ECE1: variants seen among roughly 807,000 people sequenced by gnomAD.
The protein encoded by ECE1 is endothelin-converting enzyme 1.
In ECE1, 35 loss-of-function variants were observed where a neutral mutation model predicts 98.6. The observed-to-expected ratio is 0.35, with a 90% CI of 0.27 to 0.47. The LOEUF is 0.47. Ranked by LOEUF, ECE1 falls within the 20% of genes least tolerant of loss-of-function variation. The pLI, the probability that ECE1 is intolerant of heterozygous loss-of-function variation, is 1.00. For synonymous variants in ECE1, 394 were observed against 407.1 expected, an observed-to-expected ratio of 0.97 and a Z score of 0.39; for missense variants, 814 against 1,025.3, an observed-to-expected ratio of 0.79 and a Z score of 2.81.
chr1:21,339,635 G>A (rs1474925241), intron 1 of ECE1, among the ~76,000 whole-genome samples: 4 of 152,220 alleles, frequency 2.6e-5, no homozygotes, highest in African/African-American at 7.2e-5. Flanking sequence ...CAGGGGCCTC[G>A]AAGTTGGTGG....
intron 13 of ECE1, among the ~76,000 whole-genome samples, chr1:21,234,906 T>G (rs1262316966): frequency 1.3e-5 from 2 of 152,250 alleles, no homozygotes; most frequent in Non-Finnish European, 2.9e-5. Context: ...CATGACACTC[T>G]GGAGCATCTT....
intron 1 of ECE1, among the ~76,000 whole-genome samples, chr1:21,341,109 G>A (rs909536907): frequency 2.6e-5 from 4 of 152,054 alleles, no homozygotes; most frequent in Non-Finnish European, 5.9e-5. Flanking sequence ...TGCTCAGGGA[G>A]CCTTTTCTGA....
chr1:21,256,486 G>A (rs1193966792), intron 7 of ECE1, among the ~76,000 whole-genome samples: 3 of 152,168 alleles, frequency 2.0e-5, no homozygotes, highest in Non-Finnish European at 4.4e-5. Context: ...AACCCAGGAG[G>A]AGGAGGTTGC....
At chr1:21,323,642 TAAAA>T (rs1558433306) in intron 1 of ECE1, among the ~76,000 whole-genome samples, 2 of 44,872 alleles carry the variant, frequency 4.5e-5, no homozygotes, top group Non-Finnish European at 8.5e-5. Flanking sequence ...AAAAATAAAA[TAAAA>T]TAAAATAAAA....
At chr1:21,229,777 T>C (rs1194609397) in intron 14 of ECE1, among the ~76,000 whole-genome samples, 1 of 152,184 alleles carries the variant, frequency 6.6e-6, no homozygotes, top group Admixed American at 6.5e-5. Context: ...GAACCATTGT[T>C]TTCCAAATGA....
chr1:21,241,232 C>T (rs565992291), intron 10 of ECE1, among the ~76,000 whole-genome samples: 2 of 151,744 alleles, frequency 1.3e-5, no homozygotes, highest in African/African-American at 2.4e-5. Context: ...CACAAGGTTT[C>T]GCCATGTTGG....
In ECE1 at chr1:21,319,848, G is replaced by A. The variant is rs953534394; in HGVS notation, c.3+25528C>T. On this transcript the variant is annotated intron_variant, in intron 1 of 18. Coordinates refer to the ECE1 transcript ENST00000415912. This position sits in a 1 kb window ranked among gnomAD's most constrained non-coding sequence, Gnocchi z 4.4. ...CGCGGTCCCATGGCTTCTAGTGCCAGCCCCCACACACCACTCGCCACCCAG... is the reference window on the plus strand; with the variant it reads ...CGCGGTCCCATGGCTTCTAGTGCCAACCCCCACACACCACTCGCCACCCAG... Among the ~76,000 whole-genome samples, 8 of 152,106 alleles carry A rather than the reference G, an allele frequency of 5.3e-5. No homozygotes were observed. Among genetic ancestry groups the A allele is most frequent in the African/African-American group, 7.2e-5 (3 of 41,416 alleles).
intron 14 of ECE1, among the ~76,000 whole-genome samples, chr1:21,228,318 G>C: frequency 6.6e-6 from 1 of 152,088 alleles, no homozygotes; most frequent in East Asian, 1.9e-4. Flanking sequence ...TCCTGCCTCG[G>C]ACTCCCAAAG....
upstream of ECE1, chr1:21,290,563 C>A (rs1461095582): frequency 1.7e-6 from 2 of 1,192,720 alleles, no homozygotes; most frequent in African/African-American, 3.2e-5. The surrounding 1 kb of genome is among the most constrained non-coding windows in gnomAD (Gnocchi z 7.3). Flanking sequence ...CCCCAAGACC[C>A]GAGAGGCCCG....
In ECE1 at chr1:21,223,983, A is replaced by G. The variant is rs553222476; in HGVS notation, c.2040+1267T>C. Among the ~76,000 whole-genome samples the G allele has an allele frequency of 7.2e-5, 11 of 152,294 alleles. No individual in the cohort carries two copies. In the East Asian group the frequency reaches 2.1e-3, roughly 29 times the overall value. On this transcript the variant is annotated intron_variant, in intron 17 of 18. Transcript: ENST00000374893. The stretch of plus-strand genomic sequence containing the variant: ...GTGTCTCTCTATCATAACCAGGACA[A>G]AACCAAAGGTCCTTCCTTAGCCGCA...
At chr1:21,264,313 C>CA (rs1310973781) in intron 4 of ECE1, among the ~76,000 whole-genome samples, 3 of 75,370 alleles carry the variant, frequency 4.0e-5, no homozygotes, top group Admixed American at 2.5e-4. Flanking sequence ...ACCAATTCCC[C>CA]CCCCCCCTTT....
chr1:21,268,148 C>A (rs2098236213), intron 4 of ECE1, among the ~76,000 whole-genome samples: 1 of 152,140 alleles, frequency 6.6e-6, no homozygotes, highest in Non-Finnish European at 1.5e-5. Context: ...ACAATGGAGG[C>A]AGCAGGTTTG....
intron 8 of ECE1, among the ~76,000 whole-genome samples, chr1:21,248,863 T>C (rs891838983): frequency 6.6e-6 from 1 of 151,214 alleles, no homozygotes; most frequent in African/African-American, 2.4e-5. Flanking sequence ...GACCTCATGA[T>C]CTGCCTGCCT....
Position 21,319,589 on chromosome 1 carries a change from C to T in ECE1, c.3+25787G>A, listed in dbSNP as rs896319434. 2.0e-5 allele frequency among the ~76,000 whole-genome samples: 3 copies of T among 152,110 alleles called. No homozygotes were observed. The highest frequency in any genetic ancestry group is 7.2e-5 in the African/African-American group (3 of 41,428). On this transcript the variant is annotated intron_variant, in intron 1 of 18. Transcript: ENST00000415912. The surrounding 1 kb of genome is among the most constrained non-coding windows in gnomAD (Gnocchi z 4.4). Reference sequence around the variant, plus strand: ...TTCTGCTCCTGGCCTTCCTGGGAGCCCTCCAAGCCAGCAGCTGTGCCCTCC... The same window carrying T: ...TTCTGCTCCTGGCCTTCCTGGGAGCTCTCCAAGCCAGCAGCTGTGCCCTCC...
intron 1 of ECE1, among the ~76,000 whole-genome samples, chr1:21,301,875 C>T (rs1249088487): frequency 1.3e-5 from 2 of 150,496 alleles, no homozygotes; most frequent in Non-Finnish European, 3.0e-5. Context: ...ACAGCCATCT[C>T]CTGCAAGTTC....
At chr1:21,246,063 G>A (rs2098203039) in intron 9 of ECE1, among the ~76,000 whole-genome samples, 1 of 152,040 alleles carries the variant, frequency 6.6e-6, no homozygotes, top group African/African-American at 2.4e-5. Flanking sequence ...CCAGGAGTTT[G>A]AGACCAGCCT....
chr1:21,289,873 G>A (rs1000436716), intron 2 of ECE1, among the ~76,000 whole-genome samples, 197 bp downstream of exon 2: 3 of 151,898 alleles, frequency 2.0e-5, no homozygotes, highest in Non-Finnish European at 4.4e-5. Flanking sequence ...CAGGTGAGGG[G>A]AGACTGGTGG....
At chr1:21,309,668 C>G (rs1175350881) in intron 1 of ECE1, among the ~76,000 whole-genome samples, 1 of 152,182 alleles carries the variant, frequency 6.6e-6, no homozygotes, top group Non-Finnish European at 1.5e-5. Context: ...GTCCCAAGAA[C>G]TCCTTCAACA....
In ECE1 at chr1:21,219,293, C is replaced by G. The variant is rs532432401; in HGVS notation, c.*662G>C. The stretch of plus-strand genomic sequence containing the variant: ...TGGGCCCCCCGCAGAGCAGGCTCCT[C>G]TCTCTGCCTGGCCTCCACACCTCTA... On this transcript the variant is annotated 3_prime_UTR_variant, in exon 19 of 19. Coordinates refer to ENST00000374893, the MANE Select transcript of ECE1 (RefSeq NM_001397.3). The surrounding 1 kb of genome is among the most constrained non-coding windows in gnomAD (Gnocchi z 4.5). 6.5e-6 allele frequency: 1 copy of G among 152,758 alleles called. No homozygotes were observed. Among genetic ancestry groups the G allele is most frequent in the Admixed American group, 6.5e-5 (1 of 15,356 alleles). 9.5% of individuals were successfully genotyped at this position (152,758 alleles called of 1,614,324 possible). A position where few individuals can be genotyped will look rare whatever the true frequency, so the allele number is the denominator to read the frequency against.
Sources: gnomAD v4.1 joint callset for allele counts (sites outside exome capture counted in the v4.1 genomes callset) on GRCh38, gnomAD v4.1.1 for gene constraint, Gnocchi (gnomAD v3.1) non-coding constraint, MANE v1.5 for transcripts, NCBI Gene and HGNC (gene_info 2026-07-23, HGNC 2026-07-21) for gene names.